Variants in RANBP1 observed in about 807,000 individuals in gnomAD.
The protein encoded by RANBP1 is ran-specific GTPase-activating protein.
RANBP1 carries 16 observed loss-of-function variants against 31.4 expected under a neutral mutation model. That is an observed-to-expected ratio of 0.51 (90% CI 0.34 to 0.77). The LOEUF is 0.77. Ranked by LOEUF, RANBP1 falls within the 30% of genes least tolerant of loss-of-function variation. The pLI, the probability that RANBP1 is intolerant of heterozygous loss-of-function variation, is 0.01. For synonymous variants in RANBP1, 129 were observed against 140.5 expected (o/e 0.92, Z 0.58); for missense variants, 265 against 362.0 (o/e 0.73, Z 2.17).
chr22:20,116,827 A>ACCCCCCCCCCACCCCC, intron 1 of RANBP1: 1 of 1,018,020 alleles, frequency 9.8e-7, no homozygotes, highest in Non-Finnish European at 1.3e-6. Context: ...TTCCTGACCC[A>ACCCCCCCCCCACCCCC]CCCCGCCTCC....
intron 3 of RANBP1, among the ~76,000 whole-genome samples, chr22:20,123,424 GT>G (rs2050229384): frequency 1.5e-5 from 1 of 67,046 alleles, no homozygotes; most frequent in Non-Finnish European, 3.5e-5. Context: ...GTTGGGGTGT[GT>G]GGTGTTGGGG....
intron 1 of RANBP1, chr22:20,118,257 C>T: frequency 1.0e-6 from 1 of 1,002,490 alleles, no homozygotes; most frequent in Non-Finnish European, 1.2e-6. Context: ...GTTTTCTTTT[C>T]CAGTTTGAGT....
chr22:20,117,998 C>T, intron 1 of RANBP1: 1 of 997,544 alleles, frequency 1.0e-6, no homozygotes, highest in Non-Finnish European at 1.2e-6. Flanking sequence ...CGGCTCGGCC[C>T]ACTTGGGGCT....
At position 20,116,750 on chromosome 22, in the gene RANBP1, G is replaced by T. The variant is rs371070782; in HGVS notation, c.246+320G>T. The T allele has an allele frequency of 6.4e-5, 74 of 1,156,194 alleles. No homozygotes were observed. The East Asian group carries it at 1.3e-3, about 20-fold the overall frequency. The allele number at this position is 1,156,194 out of a possible 1,614,324, so 71.6% of individuals were successfully genotyped here. On this transcript the variant is annotated intron_variant, in intron 1 of 5. Transcript: ENST00000430524. ...TGCCCCTCCCCCAGTCTACCCTCCC[G>T]ACCCCATTCCCGTCTCCTTTCCTCC...
intron 2 of RANBP1, among the ~76,000 whole-genome samples, chr22:20,121,650 T>C (rs1284586208): frequency 6.6e-6 from 1 of 152,160 alleles, no homozygotes; most frequent in African/African-American, 2.4e-5. Context: ...GCTCAAGGGA[T>C]CCTCCTCCCT....
At position 20,126,951 on chromosome 22, in the gene RANBP1, G is replaced by T. The variant is rs776598352; in HGVS notation, c.737-1G>T. 9 of 1,612,590 alleles carry T rather than the reference G, an allele frequency of 5.6e-6. No individual in the cohort carries two copies. The highest frequency in any genetic ancestry group is 5.9e-6 in the Non-Finnish European group (7 of 1,179,380). Reference sequence around the variant, plus strand: ...TCTCACTGTGCTGCTTGTGTTTTTAGCAGGATCAGGCAAAAATGATCATGC... The same window carrying T: ...TCTCACTGTGCTGCTTGTGTTTTTATCAGGATCAGGCAAAAATGATCATGC... On this transcript the variant is annotated splice_acceptor_variant, in intron 5 of 5. Coordinates refer to ENST00000430524, the MANE Select transcript of RANBP1 (RefSeq NM_001278639.2). LOFTEE classifies it high-confidence loss of function.
chr22:20,117,081 G>A, intron 1 of RANBP1: 5 of 837,400 alleles, frequency 6.0e-6, no homozygotes, highest in Non-Finnish European at 7.4e-6. Flanking sequence ...CGCCCCAGGC[G>A]GGGCGGGACT....
intron 1 of RANBP1, chr22:20,116,745 C>T (rs114221480): frequency 2.1e-6 from 3 of 1,409,612 alleles, no homozygotes; most frequent in East Asian, 2.5e-5. Context: ...CCAGTCTACC[C>T]TCCCGACCCC....
chr22:20,118,256 T>G (rs1274970131), intron 1 of RANBP1: 3 of 1,002,524 alleles, frequency 3.0e-6, no homozygotes, highest in Non-Finnish European at 3.6e-6. Context: ...TGTTTTCTTT[T>G]CCAGTTTGAG....
At chr22:20,117,420 A>G (rs2050060653) in intron 1 of RANBP1, 3 of 1,194,122 alleles carry the variant, frequency 2.5e-6, no homozygotes, top group Non-Finnish European at 3.1e-6. Flanking sequence ...GGGCCGGACA[A>G]TGAGAGTGTC....
At chr22:20,120,043 C>T (rs531072192) in intron 2 of RANBP1, among the ~76,000 whole-genome samples, 31 of 152,326 alleles carry the variant, frequency 2.0e-4, no homozygotes, top group African/African-American at 7.5e-4. Context: ...TGTTTAGTTA[C>T]ACACCTCAGT....
At chr22:20,119,286 A>G (rs2050124327) in intron 2 of RANBP1, 137 bp downstream of exon 2, 5 of 805,978 alleles carry the variant, frequency 6.2e-6, no homozygotes, top group Admixed American at 5.1e-5. Flanking sequence ...GACTAATCCC[A>G]TGTGGAAATT....
chr22:20,127,085 C>T lies in RANBP1; in HGVS notation c.*33C>T, dbSNP rs755337721. 2 of 1,542,420 alleles carry T rather than the reference C, an allele frequency of 1.3e-6. No homozygotes were observed. Among genetic ancestry groups the T allele is most frequent in the East Asian group, 2.3e-5 (1 of 43,190 alleles). ...TATTTTATTTTCTTTTCCTCTCTTT[C>T]CTTTCCTTTTTTTAAAAAATTTTAC... On this transcript the variant is annotated 3_prime_UTR_variant, in exon 6 of 6. Coordinates refer to ENST00000430524, the MANE Select transcript of RANBP1 (RefSeq NM_001278639.2).
chr22:20,120,978 G>C (rs2050158021), intron 2 of RANBP1, among the ~76,000 whole-genome samples: 1 of 152,228 alleles, frequency 6.6e-6, no homozygotes, highest in South Asian at 2.1e-4. Context: ...CCATGGGACG[G>C]AGTCTTGCTC....
chr22:20,116,513 C>T, intron 1 of RANBP1, 83 bp downstream of exon 1: 2 of 1,612,448 alleles, frequency 1.2e-6, no homozygotes, highest in Non-Finnish European at 1.7e-6. Context: ...TCTTTCTCCA[C>T]CTCCTCCAGG....
chr22:20,117,021 G>A (rs991215443), intron 1 of RANBP1: 49 of 1,383,748 alleles, frequency 3.5e-5, no homozygotes, highest in Non-Finnish European at 4.7e-5. Flanking sequence ...CAGAGGGGAG[G>A]TGCTCACAGA....
chr22:20,117,088 G>T, intron 1 of RANBP1: 1 of 773,972 alleles, frequency 1.3e-6, no homozygotes, highest in South Asian at 1.8e-5. Context: ...GGCGGGGCGG[G>T]ACTCGAACCT....
chr22:20,126,240 C>A (rs566931758), intron 4 of RANBP1, 63 bp from the exon 5 acceptor site: 7 of 1,554,452 alleles, frequency 4.5e-6, no homozygotes, highest in Middle Eastern at 2.3e-4. Flanking sequence ...TCTTCAGACC[C>A]GGCAGGGCAT....
intron 4 of RANBP1, chr22:20,125,669 C>T: frequency 7.1e-7 from 1 of 1,399,738 alleles, no homozygotes; most frequent in Non-Finnish European, 9.3e-7. Context: ...AACAGCAGTG[C>T]CCGCTCAGCC....
Sources: gnomAD v4.1 joint callset for allele counts (sites outside exome capture counted in the v4.1 genomes callset) on GRCh38, gnomAD v4.1.1 for gene constraint, MANE v1.5 for transcripts, NCBI Gene and HGNC (gene_info 2026-07-23, HGNC 2026-07-21) for gene names.